CACNA1H: variants seen among roughly 807,000 people sequenced by gnomAD.
CACNA1H encodes the protein calcium voltage-gated channel subunit alpha1 H.
In CACNA1H, 149 loss-of-function variants were observed where a neutral mutation model predicts 192.5. That is an observed-to-expected ratio of 0.77 (90% confidence interval 0.68 to 0.89). The LOEUF (loss-of-function observed/expected upper bound fraction) is 0.89. Among genes scored for constraint, CACNA1H ranks in the 40% least tolerant of loss-of-function variants. CACNA1H has a pLI of 0.00. For missense variants in CACNA1H, 4,257 were observed against 3,423.5 expected, an observed-to-expected ratio of 1.24 and a Z score of -6.08; for synonymous variants, 2,202 against 1,475.2, an observed-to-expected ratio of 1.49 and a Z score of -11.29.
chr16:1,199,916 C>G (rs753177676), intron 6 of CACNA1H, among the ~76,000 whole-genome samples: 1 of 152,120 alleles, frequency 6.6e-6, no homozygotes, highest in Non-Finnish European at 1.5e-5. Flanking sequence ...TCTTGGGTCT[C>G]CCTCCCTGTT....
At chr16:1,210,214 GC>G (rs1969262851) in intron 18 of CACNA1H, 79 bp downstream of exon 18, 1 of 1,314,686 alleles carries the variant, frequency 7.6e-7, no homozygotes, top group African/African-American at 1.5e-5. Flanking sequence ...CCTGGGTGGG[GC>G]TAGCACATGG....
chr16:1,160,788 G>A (rs894494707), intron 2 of CACNA1H, among the ~76,000 whole-genome samples: 1 of 152,162 alleles, frequency 6.6e-6, no homozygotes, highest in African/African-American at 2.4e-5. Context: ...TGCCGGGAGC[G>A]GGAGCTGTGG....
intron 2 of CACNA1H, among the ~76,000 whole-genome samples, chr16:1,194,482 G>T (rs374132476): frequency 3.3e-5 from 5 of 152,328 alleles, no homozygotes; most frequent in Middle Eastern, 6.8e-3. Context: ...GGCCTGGAGG[G>T]TGGGACGGGG....
Position 1,210,942 on chromosome 16 carries a change from G to A in CACNA1H, c.4194G>A (p.Leu1398=). 1 of 1,600,370 alleles carries A rather than the reference G, an allele frequency of 6.2e-7. No homozygotes were observed. The highest frequency in any genetic ancestry group is 8.5e-7 in the Non-Finnish European group (1 of 1,179,486). The change falls in exon 21 of 35, where the codon CTG becomes CTA. Residue 1398 remains leucine, a synonymous_variant. Coordinates refer to ENST00000348261, the MANE Select transcript of CACNA1H (RefSeq NM_021098.3). ...GAKILGVLRV[L]RLLRTLRPLR... The stretch of plus-strand genomic sequence containing the variant: ...AGATCCTGGGTGTTCTGCGCGTGCT[G>A]CGTCTGCTGCGGACCCTGCGGCCTC...
intron 12 of CACNA1H, chr16:1,206,536 G>A (rs188982923): frequency 3.0e-5 from 16 of 541,564 alleles, no homozygotes; most frequent in South Asian, 2.4e-4. Context: ...GGACAAGCTG[G>A]GGATTTACTC....
intron 2 of CACNA1H, among the ~76,000 whole-genome samples, chr16:1,186,649 C>T (rs987601923): frequency 6.6e-5 from 10 of 152,178 alleles, no homozygotes; most frequent in African/African-American, 2.2e-4. Flanking sequence ...CTCCGTGACT[C>T]GCTCCTCCTG....
intron 25 of CACNA1H, 89 bp from the exon 26 acceptor site, chr16:1,212,422 G>C (rs552943329): frequency 7.3e-7 from 1 of 1,373,932 alleles, no homozygotes; most frequent in African/African-American, 1.4e-5. Context: ...CACAGCCCCC[G>C]AGACACGGGG....
chr16:1,187,051 G>T (rs1966140840), intron 2 of CACNA1H, among the ~76,000 whole-genome samples: 1 of 152,240 alleles, frequency 6.6e-6, no homozygotes, highest in Non-Finnish European at 1.5e-5. Context: ...TGCGGCAGAG[G>T]CGATGGAGTC....
intron 2 of CACNA1H, chr16:1,159,643 G>C (rs1324245409): frequency 6.6e-6 from 1 of 152,468 alleles, no homozygotes; most frequent in African/African-American, 2.4e-5. Flanking sequence ...TTAGGGAGGG[G>C]AGGCCTGGGG....
intron 2 of CACNA1H, among the ~76,000 whole-genome samples, chr16:1,173,680 G>T (rs901379078): frequency 2.0e-5 from 3 of 152,242 alleles, no homozygotes; most frequent in Non-Finnish European, 4.4e-5. Context: ...GGGAACGCCC[G>T]TCGGAGGGGT....
chr16:1,178,701 G>A (rs1399796264), intron 2 of CACNA1H, among the ~76,000 whole-genome samples: 2 of 152,206 alleles, frequency 1.3e-5, no homozygotes, highest in Non-Finnish European at 2.9e-5. Context: ...GTCCCTCCCT[G>A]ACCCCTGGCC....
At chr16:1,194,733 CA>C (rs1340656302) in intron 2 of CACNA1H, among the ~76,000 whole-genome samples, 1 of 152,192 alleles carries the variant, frequency 6.6e-6, no homozygotes, top group African/African-American at 2.4e-5. Context: ...CGCCGAGGGC[CA>C]GGGGGCCGGG....
chr16:1,185,308 G>T (rs1024086712), intron 2 of CACNA1H, among the ~76,000 whole-genome samples: 4 of 152,200 alleles, frequency 2.6e-5, no homozygotes, highest in Non-Finnish European at 5.9e-5. Context: ...TGCCGCTGTG[G>T]ACACGTGTGG....
At chr16:1,184,417 C>T (rs1168635993) in intron 2 of CACNA1H, among the ~76,000 whole-genome samples, 4 of 152,266 alleles carry the variant, frequency 2.6e-5, no homozygotes, top group Middle Eastern at 3.2e-3. Flanking sequence ...TGGGCACCTG[C>T]ACACAGCAGC....
Position 1,205,367 on chromosome 16 carries a change from G to A in CACNA1H, c.2603+102G>A, listed in dbSNP as rs57185489. 5.2e-4 allele frequency: 652 copies of A among 1,252,016 alleles called. 1 individual carries two copies. The highest frequency in any genetic ancestry group is 5.1e-4 in the Non-Finnish European group (459 of 898,508). The allele number at this position is 1,252,016 out of a possible 1,614,324, so 77.6% of individuals were successfully genotyped here. On this transcript the variant is annotated intron_variant, in intron 11 of 34. Transcript: ENST00000348261. ...AAACCCAGAGCACAGGAGGAAGTAC[G>A]ACGATAGCTCTTTATGACAGGCCGT...
rs369630836 is a variant in CACNA1H at position 1,198,689 on chromosome 16, G to T, written c.718G>T (p.Val240Phe). The T allele has an allele frequency of 6.2e-7, 1 of 1,613,502 alleles. No individual in the cohort carries two copies. Among genetic ancestry groups the T allele is most frequent in the South Asian group, 1.1e-5 (1 of 91,092 alleles). The change falls in exon 6 of 35, where the codon GTC becomes TTC. Residue 240 changes from valine to phenylalanine, a missense_variant. Transcript: ENST00000348261. ...GAACGTCCTTCTGCTGTGCTTCTTC[G>T]TCTTCTTCATTTTCGGCATCGTTGG... is the stretch of plus-strand genomic sequence containing the variant. ...LGNVLLLCFF[V>F]FFIFGIVGVQ... is the part of the protein sequence containing the mutation.
chr16:1,195,873 C>A, intron 4 of CACNA1H, 53 bp from the exon 5 acceptor site: 3 of 1,424,396 alleles, frequency 2.1e-6, no homozygotes, highest in Non-Finnish European at 3.0e-6. Flanking sequence ...CCAGCCCCAC[C>A]CTGGACCACC....
Position 1,201,728 on chromosome 16 carries a change from G to T in CACNA1H, c.1278G>T (p.Lys426Asn). ...TTGCCACGCAGTTCTCGGAGACGAA[G>T]CAGCGGGAGAGTCAGCTGATGCGGG... ...VVIATQFSETKQRESQLMREQ... is the reference protein window; with the variant it reads ...VVIATQFSETNQRESQLMREQ... Residue 426 changes from lysine to asparagine, a missense_variant, in exon 9 of 35, where the codon AAG becomes AAT. Transcript: ENST00000348261. 2 of 1,610,530 alleles carry T rather than the reference G, an allele frequency of 1.2e-6. No individual in the cohort carries two copies. The highest frequency in any genetic ancestry group is 1.7e-6 in the Non-Finnish European group (2 of 1,178,746).
intron 2 of CACNA1H, among the ~76,000 whole-genome samples, chr16:1,194,223 C>T (rs1201141021): frequency 1.3e-5 from 2 of 152,186 alleles, no homozygotes; most frequent in African/African-American, 4.8e-5. Flanking sequence ...AGCTCTGTCT[C>T]CTCCTCGGTT....
Sources: gnomAD v4.1 joint callset for allele counts (sites outside exome capture counted in the v4.1 genomes callset) on GRCh38, gnomAD v4.1.1 for gene constraint, MANE v1.5 for transcripts, NCBI Gene and HGNC (gene_info 2026-07-23, HGNC 2026-07-21) for gene names.